The following ITSN1 variants were observed in gnomAD, a reference collection of about 807,000 sequenced individuals.
ITSN1 encodes the protein intersectin-1.
In ITSN1, 58 loss-of-function variants were observed where a neutral mutation model predicts 239.8. The ratio of observed to expected loss-of-function variants is 0.24; its 90% CI spans 0.20 to 0.30. The LOEUF (loss-of-function observed/expected upper bound fraction) is 0.30. Ranked by LOEUF, ITSN1 falls within the 10% of genes least tolerant of loss-of-function variation. The pLI is 1.00. For missense variants in ITSN1, 1,558 were observed against 2,103.3 expected (o/e 0.74, Z 5.07); for synonymous variants, 780 against 770.8 (o/e 1.01, Z -0.20).
At chr21:33,709,714 A>G (rs1421844723) in intron 1 of ITSN1, among the ~76,000 whole-genome samples, 1 of 152,140 alleles carries the variant, frequency 6.6e-6, no homozygotes, top group Non-Finnish European at 1.5e-5. Context: ...TAATACATTA[A>G]CCTTTTATCC....
Position 33,896,756 on chromosome 21 carries a change from G to A in ITSN1, c.*8456G>A, listed in dbSNP as rs1472208079. 1.3e-5 allele frequency: 2 copies of A among 152,184 alleles called. No individual in the cohort carries two copies. The highest frequency in any genetic ancestry group is 4.8e-5 in the African/African-American group (2 of 41,420). The allele number at this position is 152,184 out of a possible 1,614,324, so 9.4% of individuals were successfully genotyped here. A position where few individuals can be genotyped will look rare whatever the true frequency, so the allele number is the denominator to read the frequency against. On this transcript the variant is annotated 3_prime_UTR_variant, in exon 40 of 40. Coordinates refer to ENST00000381318, the MANE Select transcript of ITSN1 (RefSeq NM_003024.3). ...CTTTCACGAGCTTTTACTTTTCCTG[G>A]GCTGGACGCTCCAAAATGTTTGCAG...
At position 33,837,005 on chromosome 21, in the gene ITSN1, C is replaced by G. The variant is rs769666201; in HGVS notation, c.3661+373C>G. On this transcript the variant is annotated intron_variant, in intron 29 of 39. Coordinates refer to ENST00000381318, the MANE Select transcript of ITSN1 (RefSeq NM_003024.3). The stretch of plus-strand genomic sequence containing the variant: ...TTTCTAGGAATCATATGTTGTCCAT[C>G]CCCCCCTCAGGCTTGAAAGTCCTCA... 2.5e-6 allele frequency: 4 copies of G among 1,606,876 alleles called. No individual in the cohort carries two copies. In the East Asian group the frequency reaches 6.7e-5, roughly 27 times the overall value.
intron 1 of ITSN1, among the ~76,000 whole-genome samples, chr21:33,658,571 G>A (rs372939233): frequency 2.0e-5 from 3 of 152,092 alleles, no homozygotes; most frequent in African/African-American, 7.2e-5. Flanking sequence ...ACAATCTTAC[G>A]GGACCACGAT....
intron 1 of ITSN1, among the ~76,000 whole-genome samples, chr21:33,710,039 A>C (rs754772211): frequency 5.3e-5 from 8 of 149,636 alleles, no homozygotes; most frequent in Non-Finnish European, 7.4e-5. Context: ...TGTTTGTAGA[A>C]GTTTCCTACT....
At chr21:33,695,988 T>G (rs911049069) in intron 1 of ITSN1, among the ~76,000 whole-genome samples, 4 of 152,234 alleles carry the variant, frequency 2.6e-5, no homozygotes, top group African/African-American at 9.6e-5. Context: ...TTGGCTGCAG[T>G]CTATTTAGTG....
At chr21:33,656,506 T>C (rs2089089143) in intron 1 of ITSN1, among the ~76,000 whole-genome samples, 1 of 152,116 alleles carries the variant, frequency 6.6e-6, no homozygotes, top group African/African-American at 2.4e-5. Context: ...GGGGGTGAGT[T>C]TGAATTCTGT....
At chr21:33,738,193 CA>C (rs1203292760) in intron 5 of ITSN1, among the ~76,000 whole-genome samples, 1 of 151,700 alleles carries the variant, frequency 6.6e-6, no homozygotes, top group Non-Finnish European at 1.5e-5. Context: ...TCTCAAAAAA[CA>C]AAACAAAACA....
At chr21:33,661,082 C>T (rs1199183551) in intron 1 of ITSN1, among the ~76,000 whole-genome samples, 1 of 152,158 alleles carries the variant, frequency 6.6e-6, no homozygotes, top group Non-Finnish European at 1.5e-5. Context: ...CTAATTTTCA[C>T]CCCAAATTCA....
At chr21:33,883,507 G>T in intron 35 of ITSN1, 43 bp from the exon 36 acceptor site, 1 of 1,607,154 alleles carries the variant, frequency 6.2e-7, no homozygotes, top group South Asian at 1.1e-5. Context: ...GGAGCACACA[G>T]ACCCCCAGCC....
At position 33,874,650 on chromosome 21, in the gene ITSN1, C is replaced by CTTTTTTTTT. The variant is rs146318076; in HGVS notation, c.4174-701_4174-700insTTTTTTTTT. On this transcript the variant is annotated intron_variant, in intron 33 of 39. Coordinates refer to ENST00000381318, the MANE Select transcript of ITSN1 (RefSeq NM_003024.3). ...GAAACAGGGTGAATATTTTCTTTTT[C>CTTTTTTTTT]TTTCTTTTTTTTTTTTTGAGACGGA... Among the ~76,000 whole-genome samples, 38 of 138,818 alleles carry CTTTTTTTTT rather than the reference C, an allele frequency of 2.7e-4. 5 individuals are homozygous for CTTTTTTTTT. Among genetic ancestry groups the CTTTTTTTTT allele is most frequent in the African/African-American group, 3.5e-4 (13 of 37,038 alleles). The allele number at this position is 138,818 out of a possible 152,430, so 91.1% of individuals were successfully genotyped here. A position where few individuals can be genotyped will look rare whatever the true frequency, so the allele number is the denominator to read the frequency against.
chr21:33,876,169 CTTTCTTT>C lies in ITSN1; in HGVS notation c.4341+649_4341+655del, dbSNP rs1983818383. On this transcript the variant is annotated intron_variant, in intron 34 of 39. Transcript: ENST00000381318. ...TCTTTCTTTCTCTCTCTCCCTCTTT[CTTTCTTT>C]CCTTCCTTCCTTCTCTCTTTCTCCT... Among the ~76,000 whole-genome samples, 4 of 137,552 alleles carry C rather than the reference CTTTCTTT, an allele frequency of 2.9e-5. No individual in the cohort carries two copies. In the South Asian group the frequency reaches 9.4e-4, roughly 32 times the overall value. The allele number at this position is 137,552 out of a possible 152,430, so 90.2% of individuals were successfully genotyped here. A position where few individuals can be genotyped will look rare whatever the true frequency, so the allele number is the denominator to read the frequency against.
chr21:33,828,981 C>T (rs752169152), intron 26 of ITSN1: 12 of 471,318 alleles, frequency 2.5e-5, no homozygotes, highest in South Asian at 1.4e-4. Context: ...CCTCCTGTAA[C>T]GTGAAATAAA....
intron 5 of ITSN1, among the ~76,000 whole-genome samples, chr21:33,738,143 T>C (rs1369356228): frequency 6.6e-6 from 1 of 151,738 alleles, no homozygotes; most frequent in Non-Finnish European, 1.5e-5. Flanking sequence ...AGGGAGATCG[T>C]GCCACTGCAC....
intron 16 of ITSN1, among the ~76,000 whole-genome samples, chr21:33,789,564 T>C (rs1207667449): frequency 6.6e-6 from 1 of 152,216 alleles, no homozygotes; most frequent in Non-Finnish European, 1.5e-5. Flanking sequence ...ACTGCTGGTC[T>C]CCTTTCATAG....
intron 14 of ITSN1, among the ~76,000 whole-genome samples, chr21:33,780,690 T>C (rs2070094675): frequency 6.6e-6 from 1 of 152,196 alleles, no homozygotes; most frequent in Non-Finnish European, 1.5e-5. Flanking sequence ...ATAGAGCTCA[T>C]TTTTTATCAA....
chr21:33,861,713 G>A (rs1476515516), intron 31 of ITSN1, among the ~76,000 whole-genome samples: 11 of 152,076 alleles, frequency 7.2e-5, no homozygotes, highest in Admixed American at 2.6e-4. Context: ...TTGGGAGGCC[G>A]AGGCGGGTGG....
At chr21:33,703,481 A>G (rs906190486) in intron 1 of ITSN1, among the ~76,000 whole-genome samples, 20 of 152,292 alleles carry the variant, frequency 1.3e-4, no homozygotes, top group Middle Eastern at 3.4e-3. Flanking sequence ...CTTAATACTT[A>G]GTCTCTATGT....
chr21:33,647,710 G>A (rs770232357), intron 1 of ITSN1, among the ~76,000 whole-genome samples: 1 of 152,052 alleles, frequency 6.6e-6, no homozygotes, highest in Non-Finnish European at 1.5e-5. Flanking sequence ...TGGCCAGGCT[G>A]GTCTCATGCT....
At chr21:33,868,736 G>T (rs904391282) in intron 33 of ITSN1, among the ~76,000 whole-genome samples, 1 of 152,110 alleles carries the variant, frequency 6.6e-6, no homozygotes, top group Non-Finnish European at 1.5e-5. Flanking sequence ...AGGGGGCTTC[G>T]GCCTTGGCCA....
Sources: gnomAD v4.1 joint callset for allele counts (sites outside exome capture counted in the v4.1 genomes callset) on GRCh38, gnomAD v4.1.1 for gene constraint, MANE v1.5 for transcripts, NCBI Gene and HGNC (gene_info 2026-07-23, HGNC 2026-07-21) for gene names.